EBAG9: variants seen among roughly 807,000 people sequenced by gnomAD.
EBAG9 encodes the protein receptor-binding cancer antigen expressed on SiSo cells.
In EBAG9, 16 loss-of-function variants were observed where a neutral mutation model predicts 30.9. That is an observed-to-expected ratio of 0.52 (90% confidence interval 0.35 to 0.79). EBAG9 has a LOEUF of 0.79. Ranked by LOEUF, EBAG9 falls within the 30% of genes least tolerant of loss-of-function variation. The pLI, the probability that EBAG9 is intolerant of heterozygous loss-of-function variation, is 0.01. For missense variants in EBAG9, 197 were observed against 242.1 expected (o/e 0.81, Z 1.24); for synonymous variants, 93 against 82.8 (o/e 1.12, Z -0.67).
At chr8:109,546,392 C>T (rs1821384540) in intron 1 of EBAG9, among the ~76,000 whole-genome samples, 1 of 152,158 alleles carries the variant, frequency 6.6e-6, no homozygotes, top group African/African-American at 2.4e-5. Flanking sequence ...ACAACTGAAG[C>T]CGTAAGTATA....
rs1230566980 is a variant in EBAG9, at chr8:109,564,749, A to T, written c.*190A>T. 1 of 611,956 alleles carries T rather than the reference A, an allele frequency of 1.6e-6. No individual in the cohort carries two copies. Among genetic ancestry groups the T allele is most frequent in the East Asian group, 3.2e-5 (1 of 31,272 alleles). The allele number at this position is 611,956 out of a possible 1,614,324, so 37.9% of individuals were successfully genotyped here. ...TAGTGATTGAGACTCAAAAAAACAA[A>T]AAAGACTTGAGACAATGTTTTCTTC... On this transcript the variant is annotated 3_prime_UTR_variant, in exon 7 of 7. Transcript: ENST00000337573.
intron 1 of EBAG9, among the ~76,000 whole-genome samples, chr8:109,550,093 CTTA>C (rs1821462698): frequency 6.6e-6 from 1 of 152,020 alleles, no homozygotes; most frequent in Admixed American, 6.6e-5. Context: ...CGTCTGTCAT[CTTA>C]TTTGTTTTTG....
At chr8:109,553,593 T>A (rs561581819) in intron 2 of EBAG9, among the ~76,000 whole-genome samples, 56 of 152,358 alleles carry the variant, frequency 3.7e-4, no homozygotes, top group Admixed American at 7.2e-4. Context: ...TTTTTATTTT[T>A]GACTTTATAT....
rs557610532 is a variant in EBAG9, at chr8:109,543,265, G to A, written c.-16+2804G>A. ...TTATATGGAGAGACAGCCTCCATATGTACAAAACTACTTGAGTATTGCTAA... is the reference window on the plus strand; with the variant it reads ...TTATATGGAGAGACAGCCTCCATATATACAAAACTACTTGAGTATTGCTAA... On this transcript the variant is annotated intron_variant, in intron 1 of 6. Coordinates refer to ENST00000337573, the MANE Select transcript of EBAG9 (RefSeq NM_004215.5). 4.2e-5 allele frequency among the ~76,000 whole-genome samples: 6 copies of A among 143,234 alleles called. No homozygotes were observed. In the South Asian group the frequency reaches 1.2e-3, roughly 28 times the overall value. The allele number at this position is 143,234 out of a possible 152,430, so 94.0% of individuals were successfully genotyped here.
At position 109,540,467 on chromosome 8, in the gene EBAG9, A is replaced by T. The variant is rs1026976371; in HGVS notation, c.-16+6A>T. 3 of 151,482 alleles carry T rather than the reference A, an allele frequency of 2.0e-5. No individual in the cohort carries two copies. The highest frequency in any genetic ancestry group is 7.3e-5 in the African/African-American group (3 of 41,186). The allele number at this position is 151,482 out of a possible 1,614,324, so 9.4% of individuals were successfully genotyped here. A position where few individuals can be genotyped will look rare whatever the true frequency, so the allele number is the denominator to read the frequency against. ...TTTTCTCATCTGTGCAGTGGGTATG[A>T]TTTTTTTTTCATCAACAAATTTCAC... On this transcript the variant is annotated splice_donor_region_variant and intron_variant, in intron 1 of 6. Coordinates refer to ENST00000337573, the MANE Select transcript of EBAG9 (RefSeq NM_004215.5).
chr8:109,546,635 AT>A (rs1161979575), intron 1 of EBAG9, among the ~76,000 whole-genome samples: 1 of 152,052 alleles, frequency 6.6e-6, no homozygotes, highest in African/African-American at 2.4e-5. Context: ...TTTTTTTGCA[AT>A]TTTTTTAGGC....
At chr8:109,545,427 G>A (rs1821364758) in intron 1 of EBAG9, among the ~76,000 whole-genome samples, 1 of 108,900 alleles carries the variant, frequency 9.2e-6, no homozygotes, top group Non-Finnish European at 1.9e-5. Context: ...GCAGTCATGT[G>A]ATCTCAGCTC....
chr8:109,541,992 A>T lies in EBAG9; in HGVS notation c.-16+1531A>T, dbSNP rs535653559. Among the ~76,000 whole-genome samples the T allele has an allele frequency of 7.9e-5, 12 of 152,310 alleles. No individual in the cohort carries two copies. The East Asian group carries it at 2.3e-3, about 29-fold the overall frequency. ...TTATTAAGAATGTTCCTTGTTCATG[A>T]GATGTTCTTGGCTTTTGAATTAAAT... is the stretch of plus-strand genomic sequence containing the variant. On this transcript the variant is annotated intron_variant, in intron 1 of 6. Transcript: ENST00000337573.
At chr8:109,560,225 AGAT>A (rs925397291) in intron 5 of EBAG9, among the ~76,000 whole-genome samples, 1 of 152,222 alleles carries the variant, frequency 6.6e-6, no homozygotes, top group African/African-American at 2.4e-5. Flanking sequence ...AGGGACCAGT[AGAT>A]GATACCAGGT....
At position 109,559,176 on chromosome 8, in the gene EBAG9, G is replaced by T. The variant is rs528483690; in HGVS notation, c.430-1662G>T. 2.6e-5 allele frequency among the ~76,000 whole-genome samples: 4 copies of T among 152,256 alleles called. No individual in the cohort carries two copies. The South Asian group carries it at 8.3e-4, about 32-fold the overall frequency. On this transcript the variant is annotated intron_variant, in intron 5 of 6. Transcript: ENST00000337573. ...TTGATCTTATTAGTGCTCAAAGTAG[G>T]CCCAGTGAGGTGTTACATGCCTGTA...
chr8:109,547,873 T>C (rs571755632), intron 1 of EBAG9, among the ~76,000 whole-genome samples: 140 of 152,356 alleles, frequency 9.2e-4, no homozygotes, highest in Middle Eastern at 6.8e-3. Flanking sequence ...GAGAGGTTCT[T>C]ATATATTCTG....
intron 2 of EBAG9, among the ~76,000 whole-genome samples, chr8:109,551,754 A>G (rs1821498766): frequency 6.6e-6 from 1 of 152,234 alleles, no homozygotes; most frequent in Non-Finnish European, 1.5e-5. Context: ...AAATTAATGT[A>G]GAACTGAAAA....
At chr8:109,560,236 G>A (rs1438699496) in intron 5 of EBAG9, among the ~76,000 whole-genome samples, 1 of 152,094 alleles carries the variant, frequency 6.6e-6, no homozygotes, top group Non-Finnish European at 1.5e-5. Flanking sequence ...GATGATACCA[G>A]GTAAGAAAGA....
chr8:109,554,981 AT>A (rs1329698167), intron 4 of EBAG9, 94 bp downstream of exon 4: 41 of 1,266,696 alleles, frequency 3.2e-5, no homozygotes, highest in Non-Finnish European at 3.8e-5. Flanking sequence ...TAGAAAGCCT[AT>A]TTCTTTTTTT....
At chr8:109,552,624 G>T (rs1821516708) in intron 2 of EBAG9, among the ~76,000 whole-genome samples, 1 of 151,980 alleles carries the variant, frequency 6.6e-6, no homozygotes, top group Non-Finnish European at 1.5e-5. Context: ...TTACTTCTAG[G>T]ATAAGAAATT....
chr8:109,545,387 G>A lies in EBAG9; in HGVS notation c.-16+4926G>A, dbSNP rs560083186. ...GTTTTACCTTTTTTTTTTTTGAAAT[G>A]GAGTCTCACTGTGTTGCCCAGGCTG... On this transcript the variant is annotated intron_variant, in intron 1 of 6. Coordinates refer to ENST00000337573, the MANE Select transcript of EBAG9 (RefSeq NM_004215.5). Among the ~76,000 whole-genome samples the A allele has an allele frequency of 7.7e-5, 11 of 143,118 alleles. No individual in the cohort carries two copies. In the South Asian group the frequency reaches 2.2e-3, roughly 29 times the overall value. 93.9% of individuals were successfully genotyped at this position (143,118 alleles called of 152,430 possible).
At chr8:109,541,409 T>A (rs1821273489) in intron 1 of EBAG9, among the ~76,000 whole-genome samples, 1 of 152,160 alleles carries the variant, frequency 6.6e-6, no homozygotes, top group African/African-American at 2.4e-5. Flanking sequence ...TCAGTCCCTT[T>A]AAATCCTGGG....
At chr8:109,552,261 TA>T (rs57058526) in intron 2 of EBAG9, among the ~76,000 whole-genome samples, 3,056 of 147,462 alleles carry the variant, frequency 0.021, 53 homozygotes, top group Middle Eastern at 0.056. Flanking sequence ...GTCTGGGATT[TA>T]AAAAAAAAAA....
intron 1 of EBAG9, among the ~76,000 whole-genome samples, chr8:109,548,909 G>GTTTTTTTATTTTTAAAA (rs1286393151): frequency 7.4e-6 from 1 of 135,888 alleles, no homozygotes. Context: ...TTTTTTGCTG[G>GTTTTTTTATTTTTAAAA]ATTGCATTGG....
Sources: allele counts gnomAD v4.1 joint callset (sites outside exome capture counted in the v4.1 genomes callset), GRCh38; gene constraint gnomAD v4.1.1; transcripts MANE v1.5; gene names NCBI Gene and HGNC (gene_info 2026-07-23, HGNC 2026-07-21).